The following ADGRD1 variants were observed in gnomAD, a reference collection of about 807,000 sequenced individuals.
The protein encoded by ADGRD1 is adhesion G protein-coupled receptor D1.
In ADGRD1, 77 loss-of-function variants were observed where a neutral mutation model predicts 113.4. The ratio of observed to expected loss-of-function variants is 0.68; its 90% CI spans 0.57 to 0.82. The LOEUF (loss-of-function observed/expected upper bound fraction) is 0.82, where lower values mean the gene tolerates loss of function less well. Among genes scored for constraint, ADGRD1 ranks in the 40% least tolerant of loss-of-function variants. ADGRD1 has a pLI of 0.00. For synonymous variants in ADGRD1, 474 were observed against 475.0 expected (o/e 1.00, Z 0.03); for missense variants, 1,036 against 1,139.1 (o/e 0.91, Z 1.30).
Position 131,084,437 on chromosome 12 carries a change from C to T in ADGRD1, c.1548-103C>T. ...CTGGCGTGGCAGGTGTGGGCGCCGC[C>T]ATGAGTTCACGGGGCCATGTGTTAT... On this transcript the variant is annotated intron_variant, in intron 14 of 24. Transcript: ENST00000261654. This position sits in a 1 kb window ranked among gnomAD's most constrained non-coding sequence, Gnocchi z 4.5. 1 of 1,299,878 alleles carries T rather than the reference C, an allele frequency of 7.7e-7. No individual in the cohort carries two copies. Among genetic ancestry groups the T allele is most frequent in the East Asian group, 2.3e-5 (1 of 42,958 alleles). The allele number at this position is 1,299,878 out of a possible 1,614,324, so 80.5% of individuals were successfully genotyped here. A position where few individuals can be genotyped will look rare whatever the true frequency, so the allele number is the denominator to read the frequency against.
intron 13 of ADGRD1, among the ~76,000 whole-genome samples, chr12:131,072,319 G>A (rs1885249587): frequency 6.6e-6 from 1 of 152,176 alleles, no homozygotes; most frequent in African/African-American, 2.4e-5. Flanking sequence ...CCACCTTGAC[G>A]ATGAACAGAC....
At chr12:131,134,969 C>T (rs994309041) in intron 21 of ADGRD1, among the ~76,000 whole-genome samples, 25 of 152,194 alleles carry the variant, frequency 1.6e-4, no homozygotes, top group Non-Finnish European at 1.5e-4. Flanking sequence ...AGGGGTAAAC[C>T]GAGGCATGTG....
At chr12:130,979,874 C>G (rs531181656) in intron 4 of ADGRD1, among the ~76,000 whole-genome samples, 114 of 150,834 alleles carry the variant, frequency 7.6e-4, no homozygotes, top group African/African-American at 2.6e-3. Flanking sequence ...GGAGTTTACA[C>G]ACAAAGAAGG....
intron 15 of ADGRD1, among the ~76,000 whole-genome samples, chr12:131,102,730 C>T (rs1950118196): frequency 6.6e-6 from 1 of 152,202 alleles, no homozygotes; most frequent in African/African-American, 2.4e-5. Flanking sequence ...AGCCCACGGG[C>T]ATGGCTGTGA....
At chr12:131,104,020 G>A (rs566046699) in intron 15 of ADGRD1, among the ~76,000 whole-genome samples, 8 of 152,310 alleles carry the variant, frequency 5.3e-5, no homozygotes, top group African/African-American at 1.7e-4. Flanking sequence ...TGGATTGTGC[G>A]GTCGGTGAAC....
intron 24 of ADGRD1, among the ~76,000 whole-genome samples, chr12:131,138,607 C>A (rs1009762090): frequency 1.3e-5 from 2 of 152,180 alleles, no homozygotes; most frequent in African/African-American, 2.4e-5. Flanking sequence ...TGCTTCCCCC[C>A]TGCTGGAGCC....
Position 131,108,812 on chromosome 12 carries a change from G to T in ADGRD1, c.1976G>T (p.Ser659Ile). ...WMLVEGLHLYSMVIKVFGSED... is the reference protein window; with the variant it reads ...WMLVEGLHLYIMVIKVFGSED... ...CTGGTGGAGGGGCTGCACCTCTACA[G>T]CATGGTGATCAAGGTCTTTGGGTCG... Residue 659 changes from serine (S) to isoleucine (I), a missense_variant, in exon 18 of 25, where the codon AGC becomes ATC. By Grantham distance (142) the Ser-to-Ile change is moderately radical. Coordinates refer to ENST00000261654, the MANE Select transcript of ADGRD1 (RefSeq NM_198827.5). 6.2e-7 allele frequency: 1 copy of T among 1,614,004 alleles called. No individual in the cohort carries two copies. Among genetic ancestry groups the T allele is most frequent in the Non-Finnish European group, 8.5e-7 (1 of 1,180,008 alleles).
chr12:131,008,256 GA>G (rs2136770434), intron 12 of ADGRD1, among the ~76,000 whole-genome samples: 1 of 152,354 alleles, frequency 6.6e-6, no homozygotes, highest in Non-Finnish European at 1.5e-5. Context: ...TCCTGGGCAC[GA>G]TGAGAAGCAG....
chr12:131,034,829 C>A (rs1881197967), intron 13 of ADGRD1, among the ~76,000 whole-genome samples: 1 of 152,176 alleles, frequency 6.6e-6, no homozygotes, highest in African/African-American at 2.4e-5. Flanking sequence ...TGTCACTGCA[C>A]CGGCTCCCGC....
intron 18 of ADGRD1, among the ~76,000 whole-genome samples, chr12:131,115,191 T>G (rs1469817330): frequency 6.6e-6 from 1 of 152,202 alleles, no homozygotes; most frequent in Non-Finnish European, 1.5e-5. Flanking sequence ...GCACGCTACA[T>G]GTCCATGGTG....
At chr12:131,007,044 A>G (rs1405462) in intron 12 of ADGRD1, among the ~76,000 whole-genome samples, 92,779 of 152,174 alleles carry the variant, frequency 0.61, 28,732 homozygotes, top group East Asian at 0.82. Flanking sequence ...GCTGTGAAAT[A>G]TATGAGACGT....
rs1336839020 is a variant in ADGRD1, at chr12:131,003,122, C to T, written c.1027-63C>T. ...ACTTGATTTTGTGTGCCTGGTGCAC[C>T]TGCCTGGTGCCCTGGCTGAGTGGGG... On this transcript the variant is annotated intron_variant, in intron 9 of 24. Transcript: ENST00000261654. The surrounding 1 kb of genome is among the most constrained non-coding windows in gnomAD (Gnocchi z 4.8). 3.1e-5 allele frequency: 41 copies of T among 1,315,222 alleles called. No individual in the cohort carries two copies. Among genetic ancestry groups the T allele is most frequent in the Non-Finnish European group, 4.3e-5 (39 of 909,148 alleles). The allele number at this position is 1,315,222 out of a possible 1,614,324, so 81.5% of individuals were successfully genotyped here. A position where few individuals can be genotyped will look rare whatever the true frequency, so the allele number is the denominator to read the frequency against.
chr12:130,999,430 C>G (rs1876050321), intron 8 of ADGRD1, among the ~76,000 whole-genome samples: 1 of 152,144 alleles, frequency 6.6e-6, no homozygotes, highest in Non-Finnish European at 1.5e-5. Context: ...GCCTTGCACT[C>G]TAAGGTCTCA....
chr12:130,997,385 G>T (rs1324627331), intron 8 of ADGRD1, among the ~76,000 whole-genome samples: 12 of 113,504 alleles, frequency 1.1e-4, no homozygotes, highest in African/African-American at 1.1e-4. Flanking sequence ...CTGCCGGGCG[G>T]AGGGGCTCCT....
At chr12:131,044,303 G>C (rs979737431) in intron 13 of ADGRD1, among the ~76,000 whole-genome samples, 2 of 152,074 alleles carry the variant, frequency 1.3e-5, no homozygotes, top group Non-Finnish European at 2.9e-5. Context: ...CAAAAGCATC[G>C]GGGCCGAGGA....
At chr12:131,040,699 A>G (rs1882038092) in intron 13 of ADGRD1, among the ~76,000 whole-genome samples, 1 of 152,210 alleles carries the variant, frequency 6.6e-6, no homozygotes, top group African/African-American at 2.4e-5. Context: ...GTTATCTGTA[A>G]GACAGGGATA....
chr12:130,969,775 G>C (rs1246295962), intron 3 of ADGRD1: 2 of 152,194 alleles, frequency 1.3e-5, no homozygotes, highest in African/African-American at 4.8e-5. Flanking sequence ...ACCGGTCCCT[G>C]GTGCCAAAAA....
chr12:131,119,809 C>T (rs965967822), intron 19 of ADGRD1, among the ~76,000 whole-genome samples: 4 of 152,230 alleles, frequency 2.6e-5, no homozygotes, highest in African/African-American at 9.6e-5. Flanking sequence ...GAGGTTTCTC[C>T]TCTCCGTGCT....
intron 13 of ADGRD1, among the ~76,000 whole-genome samples, chr12:131,031,224 G>A (rs1000645647): frequency 3.3e-5 from 5 of 152,180 alleles, no homozygotes; most frequent in East Asian, 1.9e-4. Context: ...CATGTCATTT[G>A]TTGGGGGCTC....
Sources: gnomAD v4.1 joint callset for allele counts (sites outside exome capture counted in the v4.1 genomes callset) on GRCh38, gnomAD v4.1.1 for gene constraint, Gnocchi (gnomAD v3.1) non-coding constraint, MANE v1.5 for transcripts, NCBI Gene and HGNC (gene_info 2026-07-23, HGNC 2026-07-21) for gene names.